The following ATP13A4 variants were observed in gnomAD, a reference collection of about 807,000 sequenced individuals.
The protein encoded by ATP13A4 is probable cation-transporting ATPase 13A4.
ATP13A4 carries 114 observed loss-of-function variants against 142.5 expected under a neutral mutation model. The observed-to-expected ratio is 0.80, with a 90% CI of 0.69 to 0.93. The LOEUF is 0.93. Ranked by LOEUF, ATP13A4 falls within the 40% of genes least tolerant of loss-of-function variation. The pLI, the probability that ATP13A4 is intolerant of heterozygous loss-of-function variation, is 0.00. For missense variants in ATP13A4, 1,392 were observed against 1,454.0 expected (o/e 0.96, Z 0.69); for synonymous variants, 488 against 514.8 (o/e 0.95, Z 0.70).
chr3:193,460,667 A>T (rs1717895542), intron 13 of ATP13A4, among the ~76,000 whole-genome samples: 1 of 152,234 alleles, frequency 6.6e-6, no homozygotes, highest in Admixed American at 6.5e-5. Flanking sequence ...AGCAAAATAC[A>T]GATCAGAAAA....
chr3:193,496,589 G>A (rs1720239444), intron 3 of ATP13A4, among the ~76,000 whole-genome samples: 1 of 152,080 alleles, frequency 6.6e-6, no homozygotes, highest in Non-Finnish European at 1.5e-5. Flanking sequence ...TCAGGAGTTT[G>A]AGACCAGCCT....
At chr3:193,482,297 T>C (rs1000471773) in intron 8 of ATP13A4, among the ~76,000 whole-genome samples, 1 of 152,070 alleles carries the variant, frequency 6.6e-6, no homozygotes, top group African/African-American at 2.4e-5. Context: ...AAATGTAATA[T>C]AGAACTACAT....
At chr3:193,464,132 A>G (rs1333660483) in intron 12 of ATP13A4, among the ~76,000 whole-genome samples, 1 of 152,210 alleles carries the variant, frequency 6.6e-6, no homozygotes, top group Admixed American at 6.5e-5. Context: ...ACAGCAACAA[A>G]AGCCTTCAAA....
intron 2 of ATP13A4, among the ~76,000 whole-genome samples, chr3:193,577,846 G>C (rs1448940186): frequency 1.3e-5 from 2 of 152,188 alleles, no homozygotes; most frequent in Admixed American, 1.3e-4. Flanking sequence ...TTTTCTTCCA[G>C]TGCTTTCAAA....
At chr3:193,420,322 G>C (rs2087490) in intron 25 of ATP13A4, among the ~76,000 whole-genome samples, 1 of 149,424 alleles carries the variant, frequency 6.7e-6, no homozygotes, top group South Asian at 2.1e-4. Context: ...GCATCTTCTC[G>C]GAATCAGAGT....
intron 2 of ATP13A4, among the ~76,000 whole-genome samples, chr3:193,565,769 A>G (rs1724118634): frequency 6.6e-6 from 1 of 152,188 alleles, no homozygotes; most frequent in Non-Finnish European, 1.5e-5. Context: ...TGCAGACCAA[A>G]CACTATTAAG....
chr3:193,479,711 CAAT>C (rs1343601758), intron 8 of ATP13A4, among the ~76,000 whole-genome samples: 2 of 152,084 alleles, frequency 1.3e-5, no homozygotes, highest in Non-Finnish European at 2.9e-5. Flanking sequence ...TCTACAAATT[CAAT>C]GCAATTCCCA....
chr3:193,491,225 C>G (rs537906009), intron 6 of ATP13A4, 104 bp downstream of exon 6: 1 of 872,442 alleles, frequency 1.1e-6, no homozygotes, highest in Admixed American at 1.7e-5. Flanking sequence ...AAAATATACT[C>G]TATGTGAAGT....
intron 1 of ATP13A4, among the ~76,000 whole-genome samples, chr3:193,543,725 A>C (rs907185672): frequency 1.3e-5 from 2 of 152,370 alleles, no homozygotes; most frequent in Non-Finnish European, 1.5e-5. Flanking sequence ...TCTTGAACTC[A>C]TCAGATAGCT....
At chr3:193,471,101 T>TC (rs1482302589) in intron 8 of ATP13A4, 108 bp from the exon 9 acceptor site, 1 of 1,486,062 alleles carries the variant, frequency 6.7e-7, no homozygotes, top group Non-Finnish European at 9.4e-7. Flanking sequence ...GACATTTTTT[T>TC]TTTAGAAAGG....
chr3:193,436,803 T>A (rs1348848948), intron 23 of ATP13A4, among the ~76,000 whole-genome samples: 1 of 150,086 alleles, frequency 6.7e-6, no homozygotes, highest in Non-Finnish European at 1.5e-5. Context: ...TGTCCTAGGG[T>A]GTTAAAACCT....
chr3:193,405,801 T>C (rs544063471), intron 29 of ATP13A4, among the ~76,000 whole-genome samples: 1 of 152,246 alleles, frequency 6.6e-6, no homozygotes, highest in African/African-American at 2.4e-5. Flanking sequence ...AGGATACTAC[T>C]ACAGCTGTGC....
At chr3:193,509,379 A>T (rs2108681459) in intron 2 of ATP13A4, among the ~76,000 whole-genome samples, 1 of 152,330 alleles carries the variant, frequency 6.6e-6, no homozygotes, top group East Asian at 1.9e-4. Flanking sequence ...TTTATTAATC[A>T]CACACACTTA....
chr3:193,428,374 A>T (rs1053917535), intron 25 of ATP13A4, among the ~76,000 whole-genome samples: 47 of 152,224 alleles, frequency 3.1e-4, no homozygotes, highest in African/African-American at 1.1e-3. Context: ...ATTGTGGAAG[A>T]CAGTGTGGTG....
chr3:193,520,203 G>A (rs1049351710), intron 1 of ATP13A4, among the ~76,000 whole-genome samples: 1 of 152,082 alleles, frequency 6.6e-6, no homozygotes, highest in Non-Finnish European at 1.5e-5. Flanking sequence ...GAGGGATGAA[G>A]GGCAAGAGAG....
upstream of ATP13A4, chr3:193,555,218 G>A (rs114566287): frequency 0.017 from 5,111 of 306,614 alleles, 68 homozygotes; most frequent in Middle Eastern, 0.025. Context: ...GCGGGTGCAA[G>A]AACTCCCAGG....
chr3:193,555,939 G>C (rs1723869748), upstream of ATP13A4, among the ~76,000 whole-genome samples: 1 of 152,178 alleles, frequency 6.6e-6, no homozygotes, highest in African/African-American at 2.4e-5. Flanking sequence ...TGAGAGAATG[G>C]AATGAGATCA....
At chr3:193,491,006 C>T (rs1373270282) in intron 6 of ATP13A4, among the ~76,000 whole-genome samples, 2 of 151,826 alleles carry the variant, frequency 1.3e-5, no homozygotes, top group East Asian at 1.9e-4. Context: ...AAAGGATTAG[C>T]TTAAAAAAAA....
intron 1 of ATP13A4, among the ~76,000 whole-genome samples, chr3:193,590,288 AT>A (rs1271280424): frequency 6.6e-6 from 1 of 152,128 alleles, no homozygotes; most frequent in Non-Finnish European, 1.5e-5. Flanking sequence ...ATAGGAAAAC[AT>A]TCCTTGTGTG....
Sources: gnomAD v4.1 joint callset for allele counts (sites outside exome capture counted in the v4.1 genomes callset) on GRCh38, gnomAD v4.1.1 for gene constraint, MANE v1.5 for transcripts, NCBI Gene and HGNC (gene_info 2026-07-23, HGNC 2026-07-21) for gene names.